The following GRIN2B variants were observed in gnomAD, a reference collection of about 807,000 sequenced individuals.
GRIN2B encodes the protein glutamate receptor ionotropic, NMDA 2B.
In GRIN2B, 5 loss-of-function variants were observed where a neutral mutation model predicts 114.5. The ratio of observed to expected loss-of-function variants is 0.04; its 90% confidence interval spans 0.02 to 0.09. The LOEUF (loss-of-function observed/expected upper bound fraction) is 0.09, where lower values mean the gene tolerates loss of function less well. GRIN2B is among the 10% of genes least tolerant of loss of function. GRIN2B has a pLI of 1.00. For missense variants in GRIN2B, 1,108 were observed against 1,943.5 expected (o/e 0.57, Z 8.08); for synonymous variants, 787 against 745.1 (o/e 1.06, Z -0.92).
chr12:13,966,519 C>T (rs954995365), intron 2 of GRIN2B, among the ~76,000 whole-genome samples: 2 of 152,150 alleles, frequency 1.3e-5, no homozygotes, highest in Non-Finnish European at 2.9e-5. Flanking sequence ...TTCATGTTCT[C>T]TAAATATTCT....
intron 2 of GRIN2B, among the ~76,000 whole-genome samples, chr12:13,953,183 G>A (rs967065929): frequency 4.6e-5 from 7 of 152,102 alleles, no homozygotes; most frequent in African/African-American, 1.7e-4. Flanking sequence ...CAGCATGGCA[G>A]CAGGGATGTC....
chr12:13,918,580 C>G (rs1204000756), intron 2 of GRIN2B, among the ~76,000 whole-genome samples: 1 of 152,146 alleles, frequency 6.6e-6, no homozygotes, highest in Non-Finnish European at 1.5e-5. Context: ...GACCCCTTGC[C>G]TAATTATCAG....
Position 13,547,981 on chromosome 12 carries a change from A to ATATATATATATATATATTTTTTTTTT in GRIN2B, c.*14801_*14802insAAAAAAAAAATATATATATATATATA. ...TGTGTATATATATATATATATATAT[A>ATATATATATATATATATTTTTTTTTT]TTTTTTTTTTTTTTCTGAAAGCTAC... On this transcript the variant is annotated 3_prime_UTR_variant, in exon 14 of 14. Transcript: ENST00000609686. The ATATATATATATATATATTTTTTTTTT allele has an allele frequency of 1.0e-4, 7 of 68,584 alleles. No homozygotes were observed. Among genetic ancestry groups the ATATATATATATATATATTTTTTTTTT allele is most frequent in the African/African-American group, 3.2e-4 (7 of 21,782 alleles). 4.2% of individuals were successfully genotyped at this position (68,584 alleles called of 1,614,324 possible).
In GRIN2B at chr12:13,718,204, T is replaced by C. The variant is rs187093868; in HGVS notation, c.1010+35113A>G. Reference sequence around the variant, plus strand: ...CATGCTTTGGCTGCTGCAGCTCCCATGTAATTCTCCAGAAGAACATGTGAG... The same window carrying C: ...CATGCTTTGGCTGCTGCAGCTCCCACGTAATTCTCCAGAAGAACATGTGAG... On this transcript the variant is annotated intron_variant, in intron 4 of 13. Transcript: ENST00000609686. Among the ~76,000 whole-genome samples the C allele has an allele frequency of 3.1e-4, 47 of 152,136 alleles. 1 individual carries two copies. Among genetic ancestry groups the C allele is most frequent in the African/African-American group, 1.1e-3 (44 of 41,542 alleles).
At chr12:13,627,371 T>G (rs1949578562) in intron 5 of GRIN2B, among the ~76,000 whole-genome samples, 1 of 152,210 alleles carries the variant, frequency 6.6e-6, no homozygotes, top group Non-Finnish European at 1.5e-5. Context: ...TACTGTGTAT[T>G]TCATTCATAA....
intron 3 of GRIN2B, among the ~76,000 whole-genome samples, chr12:13,815,471 T>C (rs12300851): frequency 0.16 from 24,006 of 151,962 alleles, 2,443 homozygotes; most frequent in Non-Finnish European, 0.22. Flanking sequence ...CAGAAAATGA[T>C]TTAAAATGAT....
intron 2 of GRIN2B, among the ~76,000 whole-genome samples, chr12:13,922,933 A>C (rs985792690): frequency 1.3e-5 from 2 of 152,166 alleles, no homozygotes; most frequent in African/African-American, 4.8e-5. Flanking sequence ...TATCACAAAG[A>C]CTTTTTGATA....
intron 4 of GRIN2B, among the ~76,000 whole-genome samples, chr12:13,734,990 G>A (rs956784842): frequency 6.6e-6 from 1 of 152,182 alleles, no homozygotes; most frequent in Admixed American, 6.5e-5. Context: ...GCATAAGGTG[G>A]GGAGTTGGAG....
chr12:13,608,567 G>T, intron 10 of GRIN2B, 36 bp downstream of exon 10: 2 of 1,463,200 alleles, frequency 1.4e-6, no homozygotes, highest in Non-Finnish European at 1.9e-6. Context: ...GAACAGGATT[G>T]AGGGAAAGAC....
chr12:13,968,572 AG>A (rs1282778282), intron 2 of GRIN2B, among the ~76,000 whole-genome samples: 1 of 152,212 alleles, frequency 6.6e-6, no homozygotes, highest in Non-Finnish European at 1.5e-5. Context: ...AATTACTGAA[AG>A]GCCTTTTTAA....
chr12:13,974,010 T>C (rs1333807132), intron 2 of GRIN2B, among the ~76,000 whole-genome samples: 1 of 152,132 alleles, frequency 6.6e-6, no homozygotes, highest in South Asian at 2.1e-4. Flanking sequence ...CTAAATAGAC[T>C]ACCAAAAAGC....
chr12:13,884,953 A>C (rs1866130978), intron 2 of GRIN2B, among the ~76,000 whole-genome samples: 1 of 152,176 alleles, frequency 6.6e-6, no homozygotes, highest in East Asian at 1.9e-4. Flanking sequence ...TAGCACATGT[A>C]GTGGTTATTT....
intron 2 of GRIN2B, among the ~76,000 whole-genome samples, chr12:13,904,574 C>T (rs926485824): frequency 1.3e-5 from 2 of 152,096 alleles, no homozygotes; most frequent in Admixed American, 6.6e-5. Context: ...TTGCTCTTCA[C>T]TCCATCTTGC....
chr12:13,641,204 T>C (rs1949712028), intron 5 of GRIN2B, among the ~76,000 whole-genome samples: 1 of 152,064 alleles, frequency 6.6e-6, no homozygotes, highest in Admixed American at 6.6e-5. Flanking sequence ...CCTAAGTAGC[T>C]GGGATTACAG....
chr12:13,889,673 T>G (rs190258797), intron 2 of GRIN2B, among the ~76,000 whole-genome samples: 2 of 152,154 alleles, frequency 1.3e-5, no homozygotes, highest in African/African-American at 4.8e-5. Context: ...CCCAAGACCA[T>G]GCCAAACTCA....
intron 3 of GRIN2B, among the ~76,000 whole-genome samples, chr12:13,773,189 A>G (rs772606567): frequency 3.3e-5 from 5 of 152,244 alleles, no homozygotes; most frequent in Non-Finnish European, 7.3e-5. Flanking sequence ...AGGAACTGCG[A>G]GTCTTTATGA....
At chr12:13,627,474 C>A (rs1299797797) in intron 5 of GRIN2B, among the ~76,000 whole-genome samples, 2 of 152,164 alleles carry the variant, frequency 1.3e-5, no homozygotes, top group Non-Finnish European at 2.9e-5. Context: ...GCATGGTGAG[C>A]CCTGAGTAAA....
rs200449847 is a variant in GRIN2B at position 13,562,669 on chromosome 12, C to A, written c.*114G>T. On this transcript the variant is annotated 3_prime_UTR_variant, in exon 14 of 14. Transcript: ENST00000609686. Reference sequence around the variant, plus strand: ...CCAGGATCCCATAAATAAATTAAAACAAGAAAGGAGCAAATGGGAACCAAG... The same window carrying A: ...CCAGGATCCCATAAATAAATTAAAAAAAGAAAGGAGCAAATGGGAACCAAG... 10 of 926,460 alleles carry A rather than the reference C, an allele frequency of 1.1e-5. No individual in the cohort carries two copies. Among genetic ancestry groups the A allele is most frequent in the South Asian group, 2.7e-5 (2 of 74,088 alleles). The allele number at this position is 926,460 out of a possible 1,614,324, so 57.4% of individuals were successfully genotyped here.
intron 10 of GRIN2B, among the ~76,000 whole-genome samples, chr12:13,608,332 ACCATG>A (rs1389726650): frequency 6.6e-6 from 1 of 152,328 alleles, no homozygotes; most frequent in African/African-American, 2.4e-5. Flanking sequence ...AACAAGAGGT[ACCATG>A]CACTCAGAAA....
Sources: gnomAD v4.1 joint callset for allele counts (sites outside exome capture counted in the v4.1 genomes callset) on GRCh38, gnomAD v4.1.1 for gene constraint, MANE v1.5 for transcripts, NCBI Gene and HGNC (gene_info 2026-07-23, HGNC 2026-07-21) for gene names.